The following ATP6V1F variants were observed in gnomAD, a reference collection of about 807,000 sequenced individuals.
The protein encoded by ATP6V1F is ATPase H+ transporting V1 subunit F.
ATP6V1F carries 4 observed loss-of-function variants against 6.6 expected under a neutral mutation model. The observed-to-expected ratio is 0.60, with a 90% confidence interval of 0.30 to 1.38. ATP6V1F has a LOEUF of 1.38. Among genes scored for constraint, ATP6V1F ranks in the 40% most tolerant of loss-of-function variants. ATP6V1F has a pLI of 0.08. For missense variants in ATP6V1F, 136 were observed against 165.5 expected (o/e 0.82, Z 0.98); for synonymous variants, 68 against 66.9 (o/e 1.02, Z -0.08).
intron 1 of ATP6V1F, among the ~76,000 whole-genome samples, chr7:128,864,486 A>G (rs2128941821): frequency 6.6e-6 from 1 of 152,326 alleles, no homozygotes; most frequent in African/African-American, 2.4e-5. Flanking sequence ...GTTCATGCCA[A>G]ACTTTCCCTC....
At position 128,863,144 on chromosome 7, in the gene ATP6V1F, G is replaced by A. The variant is rs960141556; in HGVS notation, c.158+82G>A. 2.6e-6 allele frequency: 4 copies of A among 1,519,700 alleles called. No homozygotes were observed. The African/African-American group carries it at 5.7e-5, about 22-fold the overall frequency. 94.1% of individuals were successfully genotyped at this position (1,519,700 alleles called of 1,614,324 possible). On this transcript the variant is annotated intron_variant, in intron 1 of 1. Transcript: ENST00000249289. ...CGAGGCTGGAGGCTGCCCGGACGGGGGTGAGGGGACGATCCTGAAAGTCCT... is the reference window on the plus strand; with the variant it reads ...CGAGGCTGGAGGCTGCCCGGACGGGAGTGAGGGGACGATCCTGAAAGTCCT...
At chr7:128,864,986 A>T in intron 1 of ATP6V1F, 1 of 785,044 alleles carries the variant, frequency 1.3e-6, no homozygotes, top group Non-Finnish European at 2.1e-6. Context: ...TACAGGCGTG[A>T]GCCATCACAG....
chr7:128,865,640 A>C lies in ATP6V1F; in HGVS notation c.*62A>C, dbSNP rs1809379047. 4 of 1,504,744 alleles carry C rather than the reference A, an allele frequency of 2.7e-6. No individual in the cohort carries two copies. The highest frequency in any genetic ancestry group is 2.0e-5 in the Admixed American group (1 of 49,046). The allele number at this position is 1,504,744 out of a possible 1,614,324, so 93.2% of individuals were successfully genotyped here. ...CAGGCCTCTCCCCAGGCTTGCCATC[A>C]GCCTTCTTTACTTTTTGAGCCTCTG... is the stretch of plus-strand genomic sequence containing the variant. On this transcript the variant is annotated 3_prime_UTR_variant, in exon 2 of 2. Transcript: ENST00000249289. The surrounding 1 kb of genome is among the most constrained non-coding windows in gnomAD (Gnocchi z 4.4).
At chr7:128,864,558 A>G (rs1006332983) in intron 1 of ATP6V1F, among the ~76,000 whole-genome samples, 1 of 147,536 alleles carries the variant, frequency 6.8e-6, no homozygotes, top group Non-Finnish European at 1.5e-5. Context: ...CATCAGCCCT[A>G]TTTTTAAATA....
intron 1 of ATP6V1F, among the ~76,000 whole-genome samples, chr7:128,864,043 T>A (rs1400319605): frequency 6.6e-6 from 1 of 152,196 alleles, no homozygotes; most frequent in Non-Finnish European, 1.5e-5. Flanking sequence ...TAATTTTTAA[T>A]CAGTAAATAA....
Position 128,865,340 on chromosome 7 carries a change from G to C in ATP6V1F, c.159-37G>C, listed in dbSNP as rs760692298. On this transcript the variant is annotated intron_variant, in intron 1 of 1. Coordinates refer to ENST00000249289, the MANE Select transcript of ATP6V1F (RefSeq NM_004231.4). This position sits in a 1 kb window ranked among gnomAD's most constrained non-coding sequence, Gnocchi z 4.4. The stretch of plus-strand genomic sequence containing the variant: ...TGGGTAGGAGAGACGGCAGCCCCCA[G>C]AGCTGTCCTGGACTCCCTTCTCATC... 8 of 1,610,900 alleles carry C rather than the reference G, an allele frequency of 5.0e-6. No homozygotes were observed. The East Asian group carries it at 1.8e-4, about 36-fold the overall frequency.
In ATP6V1F at chr7:128,865,283, C is replaced by T; in HGVS notation, c.159-94C>T. 1 of 1,578,906 alleles carries T rather than the reference C, an allele frequency of 6.3e-7. No individual in the cohort carries two copies. The highest frequency in any genetic ancestry group is 8.6e-7 in the Non-Finnish European group (1 of 1,157,684). On this transcript the variant is annotated intron_variant, in intron 1 of 1. Transcript: ENST00000249289. This position sits in a 1 kb window ranked among gnomAD's most constrained non-coding sequence, Gnocchi z 4.4. Reference sequence around the variant, plus strand: ...TCTGGGTCATGCTCATTCCCCTCCACAGCCCAGCCCAACAACTCGGAGAGG... The same window carrying T: ...TCTGGGTCATGCTCATTCCCCTCCATAGCCCAGCCCAACAACTCGGAGAGG...
At chr7:128,863,691 G>A (rs940845726) in intron 1 of ATP6V1F, among the ~76,000 whole-genome samples, 2 of 152,110 alleles carry the variant, frequency 1.3e-5, no homozygotes, top group Non-Finnish European at 2.9e-5. Context: ...TCCACCAGGG[G>A]TCCTGGTGAC....
chr7:128,864,012 A>G (rs1248566348), intron 1 of ATP6V1F, among the ~76,000 whole-genome samples: 1 of 152,192 alleles, frequency 6.6e-6, no homozygotes, highest in Non-Finnish European at 1.5e-5. Flanking sequence ...AGTGACTGGC[A>G]GGGGGTGGGT....
In ATP6V1F at chr7:128,862,876, T is replaced by A. The variant is rs1563007786; in HGVS notation, c.-29T>A. 1 of 1,541,318 alleles carries A rather than the reference T, an allele frequency of 6.5e-7. No individual in the cohort carries two copies. The highest frequency in any genetic ancestry group is 1.4e-5 in the African/African-American group (1 of 72,740). ...GCGGGGTTTCAGTGGCTTCTGGTGCTCTAGGGTGAGCTCTGCCCGGCTGCA... is the reference window on the plus strand; with the variant it reads ...GCGGGGTTTCAGTGGCTTCTGGTGCACTAGGGTGAGCTCTGCCCGGCTGCA... On this transcript the variant is annotated 5_prime_UTR_variant, in exon 1 of 2. Transcript: ENST00000249289.
Position 128,862,888 on chromosome 7 carries a change from T to G in ATP6V1F, c.-17T>G. 6.3e-7 allele frequency: 1 copy of G among 1,576,150 alleles called. No homozygotes were observed. The highest frequency in any genetic ancestry group is 8.6e-7 in the Non-Finnish European group (1 of 1,162,144). ...TGGCTTCTGGTGCTCTAGGGTGAGC[T>G]CTGCCCGGCTGCAGGGATGGCGGGG... On this transcript the variant is annotated 5_prime_UTR_variant, in exon 1 of 2. Coordinates refer to ENST00000249289, the MANE Select transcript of ATP6V1F (RefSeq NM_004231.4).
chr7:128,865,638 T>A lies in ATP6V1F; in HGVS notation c.*60T>A. The A allele has an allele frequency of 6.6e-7, 1 of 1,512,544 alleles. No individual in the cohort carries two copies. Among genetic ancestry groups the A allele is most frequent in the South Asian group, 1.2e-5 (1 of 80,294 alleles). The allele number at this position is 1,512,544 out of a possible 1,614,324, so 93.7% of individuals were successfully genotyped here. On this transcript the variant is annotated 3_prime_UTR_variant, in exon 2 of 2. Coordinates refer to ENST00000249289, the MANE Select transcript of ATP6V1F (RefSeq NM_004231.4). The surrounding 1 kb of genome is among the most constrained non-coding windows in gnomAD (Gnocchi z 4.4). Reference sequence around the variant, plus strand: ...TCCAGGCCTCTCCCCAGGCTTGCCATCAGCCTTCTTTACTTTTTGAGCCTC... The same window carrying A: ...TCCAGGCCTCTCCCCAGGCTTGCCAACAGCCTTCTTTACTTTTTGAGCCTC...
chr7:128,865,304 A>T lies in ATP6V1F; in HGVS notation c.159-73A>T. On this transcript the variant is annotated intron_variant, in intron 1 of 1. Transcript: ENST00000249289. The surrounding 1 kb of genome is among the most constrained non-coding windows in gnomAD (Gnocchi z 4.4). ...TCCACAGCCCAGCCCAACAACTCGG[A>T]GAGGGCTGCCTGGGTAGGAGAGACG... 6.3e-7 allele frequency: 1 copy of T among 1,596,812 alleles called. No individual in the cohort carries two copies. The highest frequency in any genetic ancestry group is 8.6e-7 in the Non-Finnish European group (1 of 1,167,554).
chr7:128,865,794 T>G lies in ATP6V1F; in HGVS notation c.*216T>G. The stretch of plus-strand genomic sequence containing the variant: ...CCTCCACTACCTCTTCCCTGTGCTG[T>G]TACACAGTGTCATTGTTGATGTTAA... On this transcript the variant is annotated 3_prime_UTR_variant, in exon 2 of 2. Transcript: ENST00000249289. This position sits in a 1 kb window ranked among gnomAD's most constrained non-coding sequence, Gnocchi z 4.4. The G allele has an allele frequency of 1.7e-6, 1 of 588,978 alleles. No homozygotes were observed. The highest frequency in any genetic ancestry group is 3.0e-6 in the Non-Finnish European group (1 of 332,546). 36.5% of individuals were successfully genotyped at this position (588,978 alleles called of 1,614,324 possible).
chr7:128,863,653 CAG>C (rs540239705), intron 1 of ATP6V1F, among the ~76,000 whole-genome samples: 273 of 152,316 alleles, frequency 1.8e-3, no homozygotes, highest in African/African-American at 5.5e-3. Flanking sequence ...TGCCTTAGGT[CAG>C]AGTGTGGGTG....
intron 1 of ATP6V1F, chr7:128,864,849 G>A (rs1333645194): frequency 2.5e-6 from 1 of 407,094 alleles, no homozygotes. Flanking sequence ...TTTTTTGTGT[G>A]TGTATATATA....
In ATP6V1F at chr7:128,863,309, G is replaced by T. The variant is rs528866195; in HGVS notation, c.158+247G>T. On this transcript the variant is annotated intron_variant, in intron 1 of 1. Coordinates refer to ENST00000249289, the MANE Select transcript of ATP6V1F (RefSeq NM_004231.4). ...AAGAAGGGGAACAGAGCTCGTGACA[G>T]CCTAGACAGTGGGCTTGGACTTTGT... 7.2e-5 allele frequency among the ~76,000 whole-genome samples: 11 copies of T among 152,336 alleles called. No individual in the cohort carries two copies. In the East Asian group the frequency reaches 2.1e-3, roughly 29 times the overall value.
At position 128,862,880 on chromosome 7, in the gene ATP6V1F, G is replaced by A. The variant is rs780287248; in HGVS notation, c.-25G>A. 12 of 1,555,226 alleles carry A rather than the reference G, an allele frequency of 7.7e-6. No homozygotes were observed. Among genetic ancestry groups the A allele is most frequent in the South Asian group, 7.1e-5 (6 of 84,184 alleles). ...GGTTTCAGTGGCTTCTGGTGCTCTA[G>A]GGTGAGCTCTGCCCGGCTGCAGGGA... On this transcript the variant is annotated 5_prime_UTR_variant, in exon 1 of 2. Coordinates refer to ENST00000249289, the MANE Select transcript of ATP6V1F (RefSeq NM_004231.4).
At position 128,865,003 on chromosome 7, in the gene ATP6V1F, T is replaced by G; in HGVS notation, c.159-374T>G. The G allele has an allele frequency of 1.1e-6, 1 of 911,164 alleles. No homozygotes were observed. Among genetic ancestry groups the G allele is most frequent in the Non-Finnish European group, 1.7e-6 (1 of 586,838 alleles). 56.4% of individuals were successfully genotyped at this position (911,164 alleles called of 1,614,324 possible). Reference sequence around the variant, plus strand: ...CAGGCGTGAGCCATCACAGCTGGCCTTCAGTATCTGCACATAAAAAGGGAT... The same window carrying G: ...CAGGCGTGAGCCATCACAGCTGGCCGTCAGTATCTGCACATAAAAAGGGAT... On this transcript the variant is annotated intron_variant, in intron 1 of 1. Coordinates refer to ENST00000249289, the MANE Select transcript of ATP6V1F (RefSeq NM_004231.4). The surrounding 1 kb of genome is among the most constrained non-coding windows in gnomAD (Gnocchi z 4.4).
Sources: allele counts gnomAD v4.1 joint callset (sites outside exome capture counted in the v4.1 genomes callset), GRCh38; gene constraint gnomAD v4.1.1; non-coding constraint Gnocchi (gnomAD v3.1); transcripts MANE v1.5; gene names NCBI Gene and HGNC (gene_info 2026-07-23, HGNC 2026-07-21).